The following PLA2G4A variants were observed in gnomAD, a reference collection of about 807,000 sequenced individuals.
The protein encoded by PLA2G4A is phospholipase A2 group IVA.
PLA2G4A carries 40 observed loss-of-function variants against 81.9 expected under a neutral mutation model. The ratio of observed to expected loss-of-function variants is 0.49; its 90% CI spans 0.38 to 0.64. The LOEUF (loss-of-function observed/expected upper bound fraction) is 0.64, where lower values mean the gene tolerates loss of function less well. Ranked by LOEUF, PLA2G4A falls within the 30% of genes least tolerant of loss-of-function variation. The pLI, the probability that PLA2G4A is intolerant of heterozygous loss-of-function variation, is 0.00. For missense variants in PLA2G4A, 715 were observed against 905.1 expected (o/e 0.79, Z 2.69); for synonymous variants, 302 against 296.9 (o/e 1.02, Z -0.18).
chr1:186,968,568 A>C (rs1011327319), intron 15 of PLA2G4A, among the ~76,000 whole-genome samples: 1 of 151,650 alleles, frequency 6.6e-6, no homozygotes, highest in Admixed American at 6.6e-5. Context: ...AATATAAAAG[A>C]TATATAAGAT....
At chr1:186,947,085 G>T in intron 12 of PLA2G4A, 124 bp downstream of exon 12, 1 of 644,730 alleles carries the variant, frequency 1.6e-6, no homozygotes, top group Admixed American at 2.8e-5. Flanking sequence ...TTAATAATTT[G>T]GTTGAATCAA....
At chr1:186,974,975 C>T (rs940535044) in intron 15 of PLA2G4A, among the ~76,000 whole-genome samples, 2 of 152,220 alleles carry the variant, frequency 1.3e-5, no homozygotes, top group African/African-American at 4.8e-5. Flanking sequence ...CTCACTGTTA[C>T]CTCATGTATT....
At chr1:186,928,424 C>G (rs575591757) in intron 7 of PLA2G4A, among the ~76,000 whole-genome samples, 1 of 152,244 alleles carries the variant, frequency 6.6e-6, no homozygotes, top group South Asian at 2.1e-4. Context: ...TGTTCAAGGC[C>G]TGAATATGAC....
In PLA2G4A at chr1:186,865,137, A is replaced by G. The variant is rs1359905398; in HGVS notation, c.34-5298A>G. On this transcript the variant is annotated intron_variant, in intron 2 of 17. Transcript: ENST00000367466. ...TAATATATTGCCAAACTTAATGTATATACTTGTGCAGGTGATAAATTTCTT... is the reference window on the plus strand; with the variant it reads ...TAATATATTGCCAAACTTAATGTATGTACTTGTGCAGGTGATAAATTTCTT... 3.3e-5 allele frequency among the ~76,000 whole-genome samples: 5 copies of G among 150,088 alleles called. No individual in the cohort carries two copies. The Admixed American group carries it at 3.3e-4, about 10-fold the overall frequency.
intron 2 of PLA2G4A, among the ~76,000 whole-genome samples, chr1:186,858,033 T>C (rs1379035032): frequency 6.6e-6 from 1 of 152,182 alleles, no homozygotes; most frequent in African/African-American, 2.4e-5. Context: ...TGGTTCCAAG[T>C]CTTTCCTATT....
In PLA2G4A at chr1:186,965,398, A is replaced by G; in HGVS notation, c.1580-11A>G. 6.4e-7 allele frequency: 1 copy of G among 1,564,936 alleles called. No individual in the cohort carries two copies. The highest frequency in any genetic ancestry group is 2.2e-5 in the East Asian group (1 of 44,628). On this transcript the variant is annotated splice_polypyrimidine_tract_variant and intron_variant, in intron 14 of 17. Coordinates refer to ENST00000367466, the MANE Select transcript of PLA2G4A (RefSeq NM_024420.3). ...TTTAATTCATTCTTGTTTTTCTTTTATGTTTTTAAGATCCTGATGAATTTG... is the reference window on the plus strand; with the variant it reads ...TTTAATTCATTCTTGTTTTTCTTTTGTGTTTTTAAGATCCTGATGAATTTG...
chr1:186,937,751 G>T (rs1656006494), intron 8 of PLA2G4A, among the ~76,000 whole-genome samples: 1 of 151,524 alleles, frequency 6.6e-6, no homozygotes, highest in Admixed American at 6.6e-5. Context: ...TAGCCTACTG[G>T]GGAGAGGATA....
intron 12 of PLA2G4A, among the ~76,000 whole-genome samples, chr1:186,949,424 TAGAA>T (rs68101595): frequency 0.41 from 55,693 of 137,004 alleles, 12,145 homozygotes; most frequent in Non-Finnish European, 0.52. Context: ...AGAAAGGCAA[TAGAA>T]AGAAAGAAAA....
At chr1:186,843,860 A>C (rs78178583) in intron 1 of PLA2G4A, among the ~76,000 whole-genome samples, 8,805 of 152,278 alleles carry the variant, frequency 0.058, 339 homozygotes, top group Non-Finnish European at 0.088. Flanking sequence ...AGCCGTTTCT[A>C]CTTTAAACCA....
intron 7 of PLA2G4A, among the ~76,000 whole-genome samples, chr1:186,919,237 G>A (rs1255874079): frequency 6.6e-6 from 1 of 152,166 alleles, no homozygotes; most frequent in Non-Finnish European, 1.5e-5. Context: ...GCAAAGTTTG[G>A]AATCCATAAT....
intron 15 of PLA2G4A, among the ~76,000 whole-genome samples, chr1:186,972,020 C>T (rs1657373714): frequency 6.6e-6 from 1 of 151,982 alleles, no homozygotes; most frequent in African/African-American, 2.4e-5. Context: ...AATTCTAGCA[C>T]TTCGTGTAGT....
chr1:186,963,146 A>G (rs533439989), intron 14 of PLA2G4A, among the ~76,000 whole-genome samples: 1 of 152,362 alleles, frequency 6.6e-6, no homozygotes, highest in South Asian at 2.1e-4. Flanking sequence ...AAATGAAGTC[A>G]TCATTAGGAT....
chr1:186,912,784 T>TAAG (rs1558430292), intron 7 of PLA2G4A, among the ~76,000 whole-genome samples: 2 of 120,800 alleles, frequency 1.7e-5, no homozygotes, highest in Admixed American at 8.2e-5. Flanking sequence ...ATATGTATAC[T>TAAG]TATATATATA....
In PLA2G4A at chr1:186,946,749, A is replaced by C. The variant is rs1309216703; in HGVS notation, c.1146A>C (p.Glu382Asp). 1.2e-6 allele frequency: 2 copies of C among 1,612,314 alleles called. No individual in the cohort carries two copies. The highest frequency in any genetic ancestry group is 2.2e-5 in the South Asian group (2 of 91,034). Residue 382 changes from glutamate to aspartate, a missense_variant, in exon 11 of 18, where the codon GAA becomes GAC. Physicochemically the swap from Glu to Asp is conservative, Grantham distance 45. Transcript: ENST00000367466. ...TGGGAACAGTCGTTAAGAAGTATGA[A>C]GAAAACCCCTTGCATTTCTTAATGG... ...FFMGTVVKKY[E>D]ENPLHFLMGV...
intron 15 of PLA2G4A, among the ~76,000 whole-genome samples, chr1:186,975,508 A>G (rs2102292433): frequency 6.6e-6 from 1 of 152,342 alleles, no homozygotes; most frequent in Admixed American, 6.5e-5. Flanking sequence ...AATGTAAACT[A>G]CTGAGGTCTT....
At chr1:186,902,673 G>A (rs536525285) in intron 5 of PLA2G4A, among the ~76,000 whole-genome samples, 7 of 152,012 alleles carry the variant, frequency 4.6e-5, no homozygotes, top group African/African-American at 1.7e-4. Flanking sequence ...TCCTTCTCCT[G>A]GACAATAAGT....
chr1:186,961,348 AC>A (rs1656939921), intron 14 of PLA2G4A, among the ~76,000 whole-genome samples: 1 of 152,214 alleles, frequency 6.6e-6, no homozygotes, highest in South Asian at 2.1e-4. Flanking sequence ...AGATGTTCTT[AC>A]CACAAAGAAG....
chr1:186,859,619 A>G (rs922430900), intron 2 of PLA2G4A, among the ~76,000 whole-genome samples: 1 of 152,192 alleles, frequency 6.6e-6, no homozygotes, highest in Non-Finnish European at 1.5e-5. Context: ...ATTGCATAGT[A>G]AAATACAAGG....
chr1:186,933,746 A>G (rs1308960281), intron 8 of PLA2G4A, among the ~76,000 whole-genome samples: 1 of 152,114 alleles, frequency 6.6e-6, no homozygotes, highest in African/African-American at 2.4e-5. Context: ...ATCTTGTGAG[A>G]TGGGTATGAA....
Sources: allele counts gnomAD v4.1 joint callset (sites outside exome capture counted in the v4.1 genomes callset), GRCh38; gene constraint gnomAD v4.1.1; transcripts MANE v1.5; gene names NCBI Gene and HGNC (gene_info 2026-07-23, HGNC 2026-07-21).